The following RFX6 variants were observed in gnomAD, a reference collection of about 807,000 sequenced individuals.
RFX6 encodes the protein DNA-binding protein RFX6.
Under a neutral mutation model 110.8 loss-of-function variants are expected in RFX6, and 50 were observed. The observed-to-expected ratio is 0.45, with a 90% CI of 0.36 to 0.57. The LOEUF (loss-of-function observed/expected upper bound fraction) is 0.57, where lower values mean the gene tolerates loss of function less well. RFX6 is among the 20% of genes least tolerant of loss of function. The pLI is 0.00. For synonymous variants in RFX6, 383 were observed against 411.2 expected, an observed-to-expected ratio of 0.93 and a Z score of 0.83; for missense variants, 990 against 1,127.0, an observed-to-expected ratio of 0.88 and a Z score of 1.74.
chr6:116,905,125 T>C (rs1032806525), intron 6 of RFX6, among the ~76,000 whole-genome samples: 1 of 152,222 alleles, frequency 6.6e-6, no homozygotes, highest in Non-Finnish European at 1.5e-5. Context: ...TGTACTATTT[T>C]ACATTCTCAC....
intron 6 of RFX6, among the ~76,000 whole-genome samples, chr6:116,909,124 A>G (rs951736604): frequency 1.2e-4 from 18 of 151,992 alleles, no homozygotes; most frequent in Non-Finnish European, 2.5e-4. Flanking sequence ...ATTTTTGATT[A>G]CTAATTATAT....
Position 116,931,455 on chromosome 6 carries a change from T to A in RFX6, c.2736T>A (p.Ser912=). 6.2e-7 allele frequency: 1 copy of A among 1,613,558 alleles called. No individual in the cohort carries two copies. The highest frequency in any genetic ancestry group is 8.5e-7 in the Non-Finnish European group (1 of 1,179,508). Residue 912 remains serine, a synonymous_variant, in exon 19 of 19, where the codon TCT becomes TCA. Transcript: ENST00000332958. ...CAAGCAGTAGAGAAATGGTGTCCTC[T>A]TTACCACCTATCAACACTGTGTTCA... ...HGTSSREMVS[S]LPPINTVFMG... is the part of the protein sequence containing the mutation.
chr6:116,893,872 A>G, intron 4 of RFX6, 115 bp from the exon 5 acceptor site: 2 of 749,836 alleles, frequency 2.7e-6, no homozygotes, highest in South Asian at 2.8e-5. Flanking sequence ...CAGAAAAGAA[A>G]GGTCATCAGG....
intron 6 of RFX6, among the ~76,000 whole-genome samples, chr6:116,905,146 C>G (rs1775169565): frequency 6.6e-6 from 1 of 152,196 alleles, no homozygotes; most frequent in Non-Finnish European, 1.5e-5. Flanking sequence ...CAACAATGCA[C>G]AAGGATTCCA....
intron 4 of RFX6, among the ~76,000 whole-genome samples, chr6:116,889,055 A>G (rs889895363): frequency 2.0e-5 from 3 of 152,176 alleles, no homozygotes; most frequent in African/African-American, 7.2e-5. Flanking sequence ...GAAACTGGGT[A>G]TGAAATGTGC....
At chr6:116,930,219 G>A (rs187133249) in intron 18 of RFX6, among the ~76,000 whole-genome samples, 5 of 152,294 alleles carry the variant, frequency 3.3e-5, no homozygotes, top group Admixed American at 3.3e-4. Flanking sequence ...GATAGAATAA[G>A]TGGATAAGTA....
chr6:116,925,570 A>G lies in RFX6; in HGVS notation c.1796A>G (p.Tyr599Cys), dbSNP rs1422113228. The change falls in exon 16 of 19, where the codon TAT (tyrosine) becomes TGT (cysteine). Residue 599 changes from tyrosine (Y) to cysteine (C), a missense_variant. Tyr to Cys is a radical substitution (Grantham distance 194, BLOSUM62 -2). Coordinates refer to ENST00000332958, the MANE Select transcript of RFX6 (RefSeq NM_173560.4). The stretch of plus-strand genomic sequence containing the variant: ...AATGAAAGCCACGTGGAGACAACCT[A>G]TCTCCCTCTGCCATCCAGTCAACCT... ...VKNESHVETT[Y>C]LPLPSSQPGG... 3.1e-6 allele frequency: 5 copies of G among 1,612,770 alleles called. No homozygotes were observed. In the South Asian group the frequency reaches 4.4e-5, roughly 14 times the overall value.
intron 2 of RFX6, 108 bp from the exon 3 acceptor site, chr6:116,880,436 C>T: frequency 5.4e-6 from 5 of 925,354 alleles, no homozygotes; most frequent in East Asian, 2.6e-5. Flanking sequence ...TATGTCTACT[C>T]ATTACCTCAT....
intron 4 of RFX6, among the ~76,000 whole-genome samples, chr6:116,891,046 A>C (rs1774820014): frequency 6.6e-6 from 1 of 152,178 alleles, no homozygotes; most frequent in African/African-American, 2.4e-5. Context: ...TTAAAATGTG[A>C]ATATCAAATG....
chr6:116,904,883 T>C (rs1294901532), intron 6 of RFX6, among the ~76,000 whole-genome samples: 1 of 152,224 alleles, frequency 6.6e-6, no homozygotes, highest in East Asian at 1.9e-4. Context: ...TTTCATTGTA[T>C]GTATATACAG....
chr6:116,916,597 T>C (rs2114693703), intron 9 of RFX6, among the ~76,000 whole-genome samples: 1 of 152,254 alleles, frequency 6.6e-6, no homozygotes, highest in East Asian at 1.9e-4. Flanking sequence ...TTAAATTTTA[T>C]TAACTCTCTA....
intron 7 of RFX6, among the ~76,000 whole-genome samples, chr6:116,915,184 A>G (rs1237571134): frequency 6.6e-6 from 1 of 152,250 alleles, no homozygotes; most frequent in African/African-American, 2.4e-5. Flanking sequence ...TGCAAATTTT[A>G]GAATATATTT....
At chr6:116,890,838 T>C (rs1774814266) in intron 4 of RFX6, among the ~76,000 whole-genome samples, 1 of 152,168 alleles carries the variant, frequency 6.6e-6, no homozygotes, top group Non-Finnish European at 1.5e-5. Context: ...GGTAGAGGCA[T>C]TAAATATTTC....
chr6:116,929,784 T>C (rs1417398406), intron 18 of RFX6, among the ~76,000 whole-genome samples: 1 of 152,194 alleles, frequency 6.6e-6, no homozygotes, highest in Non-Finnish European at 1.5e-5. Context: ...CCAATGAGAT[T>C]GATTTCAGAC....
Position 116,877,291 on chromosome 6 carries a change from G to C in RFX6, c.16G>C (p.Glu6Gln). 6.2e-7 allele frequency: 1 copy of C among 1,611,402 alleles called. No homozygotes were observed. The highest frequency in any genetic ancestry group is 8.5e-7 in the Non-Finnish European group (1 of 1,179,116). ...GGCCAGGAGGATGGCCAAGGTCCCG[G>C]AGCTGGAAGACACCTTCCTGCAGGC... MAKVP[E>Q]LEDTFLQAQP... Residue 6 changes from glutamate (E) to glutamine (Q), a missense_variant, in exon 1 of 19, where the codon GAG becomes CAG. Glu to Gln is a conservative substitution (Grantham distance 29). Transcript: ENST00000332958.
In RFX6 at chr6:116,930,826, C is replaced by T. The variant is rs561978878; in HGVS notation, c.2612-505C>T. 2.0e-5 allele frequency among the ~76,000 whole-genome samples: 3 copies of T among 152,240 alleles called. No individual in the cohort carries two copies. In the South Asian group the frequency reaches 6.2e-4, roughly 32 times the overall value. ...AAATAAAAAATCAGGGGCCCATCTA[C>T]ATAGGGTAAGATGCTTGGTTCATGT... is the stretch of plus-strand genomic sequence containing the variant. On this transcript the variant is annotated intron_variant, in intron 18 of 18. Transcript: ENST00000332958.
At chr6:116,901,025 T>C (rs921764410) in intron 6 of RFX6, among the ~76,000 whole-genome samples, 1 of 152,192 alleles carries the variant, frequency 6.6e-6, no homozygotes, top group Non-Finnish European at 1.5e-5. Context: ...ATACAACCAT[T>C]CCACTTCTCA....
chr6:116,895,316 T>TTTC, intron 6 of RFX6, 109 bp downstream of exon 6: 1 of 664,480 alleles, frequency 1.5e-6, no homozygotes, highest in Non-Finnish European at 2.7e-6. Flanking sequence ...ATGTTATTTA[T>TTTC]TAGGAATTCC....
intron 6 of RFX6, among the ~76,000 whole-genome samples, chr6:116,906,862 T>G (rs557128882): frequency 1.6e-5 from 1 of 63,298 alleles, no homozygotes; most frequent in South Asian, 5.4e-4. Context: ...GTTTTTTTGT[T>G]TTTTTTTTTT....
Sources: allele counts gnomAD v4.1 joint callset (sites outside exome capture counted in the v4.1 genomes callset), GRCh38; gene constraint gnomAD v4.1.1; transcripts MANE v1.5; gene names NCBI Gene and HGNC (gene_info 2026-07-23, HGNC 2026-07-21).